Variants in KIAA0825 observed in about 807,000 individuals in gnomAD.
The protein encoded by KIAA0825 is KIAA0825.
Under a neutral mutation model 147.6 loss-of-function variants are expected in KIAA0825, and 119 were observed. The observed-to-expected ratio is 0.81, with a 90% CI of 0.69 to 0.94. The LOEUF is 0.94. KIAA0825 is among the 40% of genes least tolerant of loss of function. KIAA0825 has a pLI of 0.00. For missense variants in KIAA0825, 1,381 were observed against 1,472.7 expected (o/e 0.94, Z 1.02); for synonymous variants, 470 against 518.1 (o/e 0.91, Z 1.26).
intron 5 of KIAA0825, among the ~76,000 whole-genome samples, chr5:94,507,406 T>A (rs1034214723): frequency 1.1e-4 from 16 of 152,040 alleles, no homozygotes; most frequent in Non-Finnish European, 2.1e-4. Context: ...TAAGCTGAGA[T>A]TGCACCACTG....
At chr5:94,600,658 G>A (rs1400911025) in intron 1 of KIAA0825, among the ~76,000 whole-genome samples, 2 of 152,076 alleles carry the variant, frequency 1.3e-5, no homozygotes, top group Non-Finnish European at 2.9e-5. Flanking sequence ...TTACCTCTCT[G>A]TGTTAATCTG....
At chr5:94,349,950 A>T (rs1452513504) in intron 20 of KIAA0825, among the ~76,000 whole-genome samples, 1 of 152,198 alleles carries the variant, frequency 6.6e-6, no homozygotes, top group Non-Finnish European at 1.5e-5. Flanking sequence ...GAACTAAATG[A>T]AACTGGAACA....
At chr5:94,451,973 T>C (rs532325564) in intron 13 of KIAA0825, among the ~76,000 whole-genome samples, 2 of 152,160 alleles carry the variant, frequency 1.3e-5, no homozygotes, top group Non-Finnish European at 2.9e-5. Context: ...ATAAAATATA[T>C]TTATGGGCAA....
At chr5:94,472,441 A>ATTCTT (rs1482784906) in intron 8 of KIAA0825, among the ~76,000 whole-genome samples, 2 of 152,174 alleles carry the variant, frequency 1.3e-5, no homozygotes, top group African/African-American at 4.8e-5. Flanking sequence ...ATCGTCAAAA[A>ATTCTT]TTCTTTTAAG....
At chr5:94,606,236 C>T (rs572866518) in intron 1 of KIAA0825, among the ~76,000 whole-genome samples, 1 of 152,150 alleles carries the variant, frequency 6.6e-6, no homozygotes, top group Non-Finnish European at 1.5e-5. Context: ...TTACAAAACA[C>T]TCCTCAAAGA....
Position 94,440,096 on chromosome 5 carries a change from C to G in KIAA0825, c.2383G>C (p.Ala795Pro). ...AAGAGCAGTTTCAACTGACCCTCGG[C>G]TTTCAGTCCTCCAGCTGATGGAGTC... Reference protein sequence around the residue: ...LRTPSAGGLKAEGQLKLLLSQ... With the variant: ...LRTPSAGGLKPEGQLKLLLSQ... Residue 795 changes from alanine (A) to proline (P), a missense_variant, in exon 14 of 21, where the codon GCC (alanine) becomes CCC (proline). Ala to Pro is a conservative substitution (Grantham distance 27, BLOSUM62 -1). Coordinates refer to ENST00000682413, the MANE Select transcript of KIAA0825 (RefSeq NM_001145678.3). The G allele has an allele frequency of 6.4e-7, 1 of 1,551,354 alleles. No homozygotes were observed. Among genetic ancestry groups the G allele is most frequent in the Non-Finnish European group, 8.7e-7 (1 of 1,146,734 alleles).
At chr5:94,371,745 CT>C (rs1746742925) in intron 20 of KIAA0825, among the ~76,000 whole-genome samples, 1 of 152,186 alleles carries the variant, frequency 6.6e-6, no homozygotes, top group Non-Finnish European at 1.5e-5. Context: ...CATTCTGCCC[CT>C]GGCCCCTCCA....
chr5:94,488,645 T>C (rs1346686199), intron 5 of KIAA0825, among the ~76,000 whole-genome samples: 4 of 152,186 alleles, frequency 2.6e-5, no homozygotes, highest in Non-Finnish European at 4.4e-5. Flanking sequence ...ATGTAAATTT[T>C]TCTTCATGAT....
intron 20 of KIAA0825, among the ~76,000 whole-genome samples, chr5:94,334,568 C>T (rs930399637): frequency 7.2e-5 from 11 of 152,158 alleles, no homozygotes; most frequent in African/African-American, 2.2e-4. Flanking sequence ...CTGCAACCTC[C>T]GACTCCCAGG....
chr5:94,498,814 T>A (rs1308601132), intron 5 of KIAA0825, among the ~76,000 whole-genome samples: 1 of 152,214 alleles, frequency 6.6e-6, no homozygotes, highest in African/African-American at 2.4e-5. Flanking sequence ...TCATTTTACT[T>A]CTGCTTATGC....
intron 20 of KIAA0825, among the ~76,000 whole-genome samples, chr5:94,235,579 TGAA>T (rs772655652): frequency 3.3e-5 from 5 of 152,226 alleles, no homozygotes; most frequent in Non-Finnish European, 7.3e-5. Flanking sequence ...CTAAGATCAC[TGAA>T]GAAGGTGGCT....
At chr5:94,349,362 T>C (rs898729395) in intron 20 of KIAA0825, among the ~76,000 whole-genome samples, 1 of 152,144 alleles carries the variant, frequency 6.6e-6, no homozygotes, top group Non-Finnish European at 1.5e-5. Flanking sequence ...ACTTCAGTAC[T>C]GCACTGACAG....
At chr5:94,470,836 G>A (rs1471369243) in intron 9 of KIAA0825, among the ~76,000 whole-genome samples, 6 of 152,126 alleles carry the variant, frequency 3.9e-5, no homozygotes, top group Admixed American at 6.5e-5. Context: ...CTAAGTCTAC[G>A]TGTTTCTTTT....
chr5:94,233,784 A>G (rs1018445512), intron 20 of KIAA0825, among the ~76,000 whole-genome samples: 1 of 152,198 alleles, frequency 6.6e-6, no homozygotes, highest in Non-Finnish European at 1.5e-5. Context: ...TAACTTGGAG[A>G]AATAAAATTC....
At chr5:94,352,614 G>A (rs936072080) in intron 20 of KIAA0825, among the ~76,000 whole-genome samples, 1 of 152,200 alleles carries the variant, frequency 6.6e-6, no homozygotes, top group African/African-American at 2.4e-5. Flanking sequence ...AAAGACACTT[G>A]CACACGCATG....
chr5:94,547,936 C>T (rs565658605), intron 2 of KIAA0825, among the ~76,000 whole-genome samples: 14 of 151,464 alleles, frequency 9.2e-5, no homozygotes, highest in African/African-American at 3.4e-4. Context: ...ATGCTTCAAG[C>T]ATGAGGAAAA....
intron 20 of KIAA0825, among the ~76,000 whole-genome samples, chr5:94,206,625 G>C (rs182935409): frequency 7.9e-5 from 12 of 152,182 alleles, no homozygotes; most frequent in Admixed American, 3.3e-4. Context: ...TCTAATTCTT[G>C]TATCATGAAT....
chr5:94,257,071 A>G (rs1776285514), intron 20 of KIAA0825, among the ~76,000 whole-genome samples: 1 of 152,200 alleles, frequency 6.6e-6, no homozygotes, highest in Admixed American at 6.6e-5. Flanking sequence ...GACAACTAAA[A>G]AATTTACACC....
intron 13 of KIAA0825, among the ~76,000 whole-genome samples, chr5:94,449,503 C>A (rs1196858469): frequency 6.6e-6 from 1 of 152,056 alleles, no homozygotes; most frequent in Non-Finnish European, 1.5e-5. Flanking sequence ...ATGATCAAGA[C>A]TGTATTTTGG....
Sources: gnomAD v4.1 joint callset for allele counts (sites outside exome capture counted in the v4.1 genomes callset) on GRCh38, gnomAD v4.1.1 for gene constraint, MANE v1.5 for transcripts, NCBI Gene and HGNC (gene_info 2026-07-23, HGNC 2026-07-21) for gene names.